RABGAP1L: variants seen among roughly 807,000 people sequenced by gnomAD.
RABGAP1L encodes the protein rab GTPase-activating protein 1-like.
In RABGAP1L, 63 loss-of-function variants were observed where a neutral mutation model predicts 137.7. The observed-to-expected ratio is 0.46, with a 90% CI of 0.37 to 0.56. The LOEUF is 0.56. Ranked by LOEUF, RABGAP1L falls within the 20% of genes least tolerant of loss-of-function variation. The pLI, the probability that RABGAP1L is intolerant of heterozygous loss-of-function variation, is 0.00. For synonymous variants in RABGAP1L, 431 were observed against 433.7 expected (o/e 0.99, Z 0.08); for missense variants, 1,095 against 1,244.0 (o/e 0.88, Z 1.80).
At chr1:174,551,011 T>C (rs1424791222) in intron 13 of RABGAP1L, among the ~76,000 whole-genome samples, 23 of 123,320 alleles carry the variant, frequency 1.9e-4, no homozygotes, top group African/African-American at 7.8e-4. Flanking sequence ...TATATATATA[T>C]ATATATATAT....
At chr1:174,204,883 C>T (rs952038267) in intron 1 of RABGAP1L, among the ~76,000 whole-genome samples, 4 of 152,176 alleles carry the variant, frequency 2.6e-5, no homozygotes, top group Admixed American at 1.3e-4. Context: ...TTGCCCTTCG[C>T]CTTCTGCTAT....
chr1:174,390,256 A>T (rs1424084338), intron 12 of RABGAP1L, among the ~76,000 whole-genome samples: 1 of 152,132 alleles, frequency 6.6e-6, no homozygotes, highest in African/African-American at 2.4e-5. Context: ...CTAAAGATAA[A>T]TAGTGCTTTG....
intron 18 of RABGAP1L, among the ~76,000 whole-genome samples, chr1:174,759,285 A>T (rs1156542622): frequency 1.3e-4 from 6 of 46,872 alleles, no homozygotes; most frequent in Non-Finnish European, 2.3e-4. Flanking sequence ...AATTTATTTA[A>T]AAAAAAAAAA....
intron 13 of RABGAP1L, among the ~76,000 whole-genome samples, chr1:174,408,596 G>C (rs1649547406): frequency 6.6e-6 from 1 of 152,118 alleles, no homozygotes; most frequent in Admixed American, 6.6e-5. Context: ...AGGATTGCTG[G>C]GTTGAACTGG....
intron 14 of RABGAP1L, among the ~76,000 whole-genome samples, chr1:174,659,292 C>T (rs1216869427): frequency 6.6e-6 from 1 of 150,964 alleles, no homozygotes; most frequent in Non-Finnish European, 1.5e-5. Flanking sequence ...GTTACTGATT[C>T]CTCTCTTCTT....
chr1:174,236,044 G>C (rs1413724992), intron 4 of RABGAP1L, among the ~76,000 whole-genome samples: 1 of 96,338 alleles, frequency 1.0e-5, no homozygotes, highest in Non-Finnish European at 1.9e-5. Flanking sequence ...AGATTTTCTA[G>C]TTTATTTGAG....
At position 174,667,218 on chromosome 1, in the gene RABGAP1L, G is replaced by A. The variant is rs333425; in HGVS notation, c.1825-16304G>A. 2.0e-4 allele frequency among the ~76,000 whole-genome samples: 30 copies of A among 152,124 alleles called. No individual in the cohort carries two copies. In the East Asian group the frequency reaches 5.2e-3, roughly 26 times the overall value. On this transcript the variant is annotated intron_variant, in intron 14 of 25. Transcript: ENST00000681986. ...GGATTAAGCCTCCCTTGATCAGATTGTTATTTTTCCTTTTGAGGATAGGAT... is the reference window on the plus strand; with the variant it reads ...GGATTAAGCCTCCCTTGATCAGATTATTATTTTTCCTTTTGAGGATAGGAT...
At chr1:174,781,050 A>G (rs1334561585) in intron 18 of RABGAP1L, among the ~76,000 whole-genome samples, 3 of 152,148 alleles carry the variant, frequency 2.0e-5, no homozygotes, top group Non-Finnish European at 2.9e-5. Flanking sequence ...GTATCCTTAT[A>G]GCAGCATGAT....
chr1:174,281,475 T>G (rs1675541128), intron 10 of RABGAP1L, among the ~76,000 whole-genome samples: 1 of 152,192 alleles, frequency 6.6e-6, no homozygotes, highest in African/African-American at 2.4e-5. Flanking sequence ...ATTGGTGCGT[T>G]TACGCTCCTT....
At chr1:174,710,460 C>T (rs1680393620) in intron 17 of RABGAP1L, among the ~76,000 whole-genome samples, 1 of 152,218 alleles carries the variant, frequency 6.6e-6, no homozygotes, top group African/African-American at 2.4e-5. Flanking sequence ...GGAAGCCCAT[C>T]AGACTAACAG....
chr1:174,552,690 G>A (rs907776177), intron 13 of RABGAP1L, among the ~76,000 whole-genome samples: 4 of 152,078 alleles, frequency 2.6e-5, no homozygotes, highest in Non-Finnish European at 4.4e-5. Flanking sequence ...GAACATATGC[G>A]TGCATGCGTC....
chr1:174,376,952 C>A lies in RABGAP1L; in HGVS notation c.1559+5880C>A, dbSNP rs182629217. On this transcript the variant is annotated intron_variant, in intron 12 of 25. Coordinates refer to ENST00000681986, the MANE Select transcript of RABGAP1L (RefSeq NM_001366446.1). ...ATGTGATTGTCTGTGTAGAAAACCC[C>A]AAGGAATCTACAAAACAAACAAACA... is the stretch of plus-strand genomic sequence containing the variant. 3.8e-3 allele frequency among the ~76,000 whole-genome samples: 583 copies of A among 152,118 alleles called. 4 individuals are homozygous for A. Among genetic ancestry groups the A allele is most frequent in the African/African-American group, 0.012 (503 of 41,514 alleles).
intron 13 of RABGAP1L, among the ~76,000 whole-genome samples, chr1:174,498,588 C>G (rs1660955726): frequency 6.6e-6 from 1 of 151,820 alleles, no homozygotes; most frequent in Non-Finnish European, 1.5e-5. Flanking sequence ...CCTCTGCCTC[C>G]TGGGTTCAGA....
intron 18 of RABGAP1L, among the ~76,000 whole-genome samples, chr1:174,808,763 C>T (rs896162448): frequency 6.6e-6 from 1 of 151,864 alleles, no homozygotes; most frequent in African/African-American, 2.4e-5. Flanking sequence ...AAGCGATTCT[C>T]CTGCCTCAGC....
At chr1:174,275,334 G>A (rs1327429696) in intron 8 of RABGAP1L, 2 of 152,024 alleles carry the variant, frequency 1.3e-5, no homozygotes, top group Non-Finnish European at 2.9e-5. Context: ...AATTTTAAAG[G>A]TATTAATTGC....
chr1:174,795,318 G>T (rs1478416630), intron 18 of RABGAP1L, among the ~76,000 whole-genome samples: 1 of 152,160 alleles, frequency 6.6e-6, no homozygotes, highest in African/African-American at 2.4e-5. Flanking sequence ...TTCCTCTTGT[G>T]AAGGTGCCTC....
chr1:174,357,601 A>G (rs959428050), intron 11 of RABGAP1L, among the ~76,000 whole-genome samples: 1 of 152,210 alleles, frequency 6.6e-6, no homozygotes, highest in African/African-American at 2.4e-5. Flanking sequence ...TTAAAGTTTT[A>G]TATGTATTAT....
chr1:174,340,560 A>G, intron 11 of RABGAP1L, among the ~76,000 whole-genome samples: 1 of 152,176 alleles, frequency 6.6e-6, no homozygotes, highest in East Asian at 1.9e-4. Flanking sequence ...TGCTGAGGAT[A>G]ATGGCTTCCA....
At chr1:174,544,491 A>G (rs1178840335) in intron 13 of RABGAP1L, among the ~76,000 whole-genome samples, 1 of 152,102 alleles carries the variant, frequency 6.6e-6, no homozygotes, top group Non-Finnish European at 1.5e-5. Context: ...CTAGTTAGCC[A>G]TTCGTCTAAT....
Sources: gnomAD v4.1 joint callset for allele counts (sites outside exome capture counted in the v4.1 genomes callset) on GRCh38, gnomAD v4.1.1 for gene constraint, MANE v1.5 for transcripts, NCBI Gene and HGNC (gene_info 2026-07-23, HGNC 2026-07-21) for gene names.